GMFB: variants seen among roughly 807,000 people sequenced by gnomAD.
The protein encoded by GMFB is glia maturation factor beta.
GMFB carries 13 observed loss-of-function variants against 25.6 expected under a neutral mutation model. That is an observed-to-expected ratio of 0.51 (90% confidence interval 0.33 to 0.81). The LOEUF (loss-of-function observed/expected upper bound fraction) is 0.81, where lower values mean the gene tolerates loss of function less well. GMFB is among the 30% of genes least tolerant of loss of function. The pLI, the probability that GMFB is intolerant of heterozygous loss-of-function variation, is 0.02. For missense variants in GMFB, 146 were observed against 175.4 expected (o/e 0.83, Z 0.95); for synonymous variants, 57 against 56.9 (o/e 1.00, Z 0.00).
Position 54,478,175 on chromosome 14 carries a change from A to C in GMFB, c.358-16T>G. ...TTTCAAATACCTTTAAAAAAAAAAA[A>C]AACTTGGGTCATACTTTGACACTCC... On this transcript the variant is annotated splice_polypyrimidine_tract_variant and intron_variant, in intron 6 of 6. Coordinates refer to ENST00000358056, the MANE Select transcript of GMFB (RefSeq NM_004124.3). The C allele has an allele frequency of 8.9e-7, 1 of 1,121,866 alleles. No individual in the cohort carries two copies. Among genetic ancestry groups the C allele is most frequent in the Non-Finnish European group, 1.2e-6 (1 of 809,964 alleles). 69.5% of individuals were successfully genotyped at this position (1,121,866 alleles called of 1,614,324 possible).
chr14:54,474,677 C>G lies in GMFB; in HGVS notation c.*3411G>C, dbSNP rs1339555850. On this transcript the variant is annotated 3_prime_UTR_variant, in exon 7 of 7. Transcript: ENST00000358056. The stretch of plus-strand genomic sequence containing the variant: ...AAGACTAAACCATTAATGTTTCAAG[C>G]CTCCTGAATGAGATTATCTTGGACC... The G allele has an allele frequency of 1.3e-5, 2 of 152,568 alleles. No homozygotes were observed. Among genetic ancestry groups the G allele is most frequent in the African/African-American group, 4.8e-5 (2 of 41,442 alleles). The allele number at this position is 152,568 out of a possible 1,614,324, so 9.5% of individuals were successfully genotyped here.
chr14:54,483,444 T>C, intron 2 of GMFB: 2 of 512,408 alleles, frequency 3.9e-6, no homozygotes, highest in Non-Finnish European at 3.5e-6. Context: ...TCCAGAGCTG[T>C]ACAGGCAGCT....
Position 54,481,078 on chromosome 14 carries a change from T to G in GMFB, c.201-122A>C, listed in dbSNP as rs778878807. Reference sequence around the variant, plus strand: ...TTTAGGCCACACCTTCATTATTATCTTTCCACAAAATTAAATGGGTTCCAA... The same window carrying G: ...TTTAGGCCACACCTTCATTATTATCGTTCCACAAAATTAAATGGGTTCCAA... On this transcript the variant is annotated intron_variant, in intron 4 of 6. Transcript: ENST00000358056. 5.2e-4 allele frequency: 303 copies of G among 587,902 alleles called. 1 individual carries two copies. The highest frequency in any genetic ancestry group is 8.2e-4 in the Non-Finnish European group (269 of 327,966). The allele number at this position is 587,902 out of a possible 1,614,324, so 36.4% of individuals were successfully genotyped here. A position where few individuals can be genotyped will look rare whatever the true frequency, so the allele number is the denominator to read the frequency against.
At chr14:54,481,579 T>C in intron 3 of GMFB, 121 bp from the exon 4 acceptor site, 1 of 658,490 alleles carries the variant, frequency 1.5e-6, no homozygotes, top group Non-Finnish European at 2.7e-6. Flanking sequence ...CAAAATAAAA[T>C]TTTATCTTAC....
intron 3 of GMFB, among the ~76,000 whole-genome samples, chr14:54,481,880 T>C (rs1459726055): frequency 1.3e-5 from 2 of 152,158 alleles, no homozygotes; most frequent in African/African-American, 4.8e-5. Flanking sequence ...GTCAAGCAAC[T>C]TAGAAGCAAG....
chr14:54,482,220 T>C lies in GMFB; in HGVS notation c.101-18A>G, dbSNP rs1207878227. 2.7e-5 allele frequency: 43 copies of C among 1,567,822 alleles called. No homozygotes were observed. Among genetic ancestry groups the C allele is most frequent in the Non-Finnish European group, 3.8e-5 (43 of 1,138,238 alleles). ...AATCTTCACTAAAATAAAAATCAAG[T>C]ATGAGTAAGCTGGGATTCTAATGTG... On this transcript the variant is annotated intron_variant, in intron 2 of 6. Coordinates refer to ENST00000358056, the MANE Select transcript of GMFB (RefSeq NM_004124.3).
chr14:54,484,014 G>GAA (rs2031750312), intron 1 of GMFB: 1 of 583,722 alleles, frequency 1.7e-6, no homozygotes, highest in Non-Finnish European at 3.2e-6. Flanking sequence ...TTTGGCTAAT[G>GAA]AATGTCTCAA....
chr14:54,488,715 C>T (rs1055948080), intron 1 of GMFB: 2 of 500,020 alleles, frequency 4.0e-6, no homozygotes, highest in South Asian at 3.0e-5. Flanking sequence ...GGGTCCACCC[C>T]GGGCCCAGCT....
chr14:54,488,773 T>G (rs1439782707), intron 1 of GMFB, 152 bp downstream of exon 1: 2 of 583,256 alleles, frequency 3.4e-6, no homozygotes, highest in African/African-American at 4.0e-5. Context: ...GGCCAAGTAC[T>G]CTAGCTATGG....
chr14:54,482,316 C>T, intron 2 of GMFB, 114 bp from the exon 3 acceptor site: 1 of 674,132 alleles, frequency 1.5e-6, no homozygotes, highest in Non-Finnish European at 2.7e-6. Flanking sequence ...CATCAAGAAA[C>T]AGAAGCATAT....
In GMFB at chr14:54,477,232, C is replaced by T. The variant is rs1225021487; in HGVS notation, c.*856G>A. ...ACCCTTTAAAAAAGTATTAATTTCA[C>T]CAAATGTGGAATACTGGCAGTGTAA... On this transcript the variant is annotated 3_prime_UTR_variant, in exon 7 of 7. Transcript: ENST00000358056. 1 of 152,342 alleles carries T rather than the reference C, an allele frequency of 6.6e-6. No homozygotes were observed. The highest frequency in any genetic ancestry group is 2.4e-5 in the African/African-American group (1 of 41,390). The allele number at this position is 152,342 out of a possible 1,614,324, so 9.4% of individuals were successfully genotyped here. A position where few individuals can be genotyped will look rare whatever the true frequency, so the allele number is the denominator to read the frequency against.
intron 6 of GMFB, 113 bp downstream of exon 6, chr14:54,479,673 G>C: frequency 3.3e-6 from 2 of 604,328 alleles, no homozygotes; most frequent in South Asian, 4.2e-5. Context: ...TTACTAATCT[G>C]GTCTAAATAA....
chr14:54,479,607 T>G, intron 6 of GMFB, 179 bp downstream of exon 6: 1 of 479,034 alleles, frequency 2.1e-6, no homozygotes, highest in East Asian at 3.3e-5. Context: ...AAATACACTT[T>G]GGTTCAAACG....
chr14:54,480,567 T>C (rs568301564), intron 5 of GMFB: 2 of 214,480 alleles, frequency 9.3e-6, no homozygotes, highest in Non-Finnish European at 1.8e-5. Flanking sequence ...GATTAAAATA[T>C]AAAAAGAAAA....
At chr14:54,481,287 A>T in intron 4 of GMFB, 122 bp downstream of exon 4, 1 of 711,108 alleles carries the variant, frequency 1.4e-6, no homozygotes, top group East Asian at 2.7e-5. Flanking sequence ...ATATGCACAC[A>T]TATTTTAATT....
intron 4 of GMFB, 95 bp from the exon 5 acceptor site, chr14:54,481,051 C>T: frequency 4.8e-6 from 3 of 621,704 alleles, no homozygotes; most frequent in Non-Finnish European, 8.6e-6. Flanking sequence ...CTGTCCTATT[C>T]TTTTAGGCCA....
At chr14:54,488,777 GC>G in intron 1 of GMFB, 147 bp downstream of exon 1, 1 of 596,964 alleles carries the variant, frequency 1.7e-6, no homozygotes, top group Non-Finnish European at 2.7e-6. Flanking sequence ...AAGTACTCTA[GC>G]TATGGGCACT....
At chr14:54,485,677 G>C (rs61160274) in intron 1 of GMFB, among the ~76,000 whole-genome samples, 1 of 152,104 alleles carries the variant, frequency 6.6e-6, no homozygotes, top group African/African-American at 2.4e-5. Context: ...CCTAAAATTT[G>C]TAAGGAGCCA....
intron 6 of GMFB, chr14:54,478,967 G>C (rs1433797051): frequency 6.6e-6 from 1 of 152,174 alleles, no homozygotes; most frequent in East Asian, 1.9e-4. Flanking sequence ...CAAACCGTTA[G>C]AGCAACTCCA....
Sources: allele counts gnomAD v4.1 joint callset (sites outside exome capture counted in the v4.1 genomes callset), GRCh38; gene constraint gnomAD v4.1.1; transcripts MANE v1.5; gene names NCBI Gene and HGNC (gene_info 2026-07-23, HGNC 2026-07-21).